The following HMCN1 variants were observed in gnomAD, a reference collection of about 807,000 sequenced individuals.
HMCN1 encodes the protein hemicentin 1, also known as hemicentin-1.
In HMCN1, 321 loss-of-function variants were observed where a neutral mutation model predicts 625.9. The ratio of observed to expected loss-of-function variants is 0.51; its 90% CI spans 0.47 to 0.56. The LOEUF (loss-of-function observed/expected upper bound fraction) is 0.56. HMCN1 is among the 20% of genes least tolerant of loss of function. The probability of loss-of-function intolerance (pLI) is 0.00; values close to 1 mark genes in which losing one functional copy is unlikely to be tolerated. For synonymous variants in HMCN1, 2,425 were observed against 2,417.6 expected (o/e 1.00, Z -0.09); for missense variants, 6,588 against 6,887.3 (o/e 0.96, Z 1.54).
chr1:185,808,181 A>C (rs1659293919), intron 1 of HMCN1, among the ~76,000 whole-genome samples: 1 of 151,976 alleles, frequency 6.6e-6, no homozygotes, highest in South Asian at 2.1e-4. Flanking sequence ...CGCTGTCTTT[A>C]TTAAAAATAC....
At position 186,113,994 on chromosome 1, in the gene HMCN1, A is replaced by C. The variant is rs41317487; in HGVS notation, c.11147A>C (p.Lys3716Thr). 3.1e-6 allele frequency: 5 copies of C among 1,614,148 alleles called. No individual in the cohort carries two copies. Among genetic ancestry groups the C allele is most frequent in the Non-Finnish European group, 4.2e-6 (5 of 1,180,012 alleles). Residue 3716 changes from lysine (K) to threonine (T), a missense_variant, in exon 73 of 107, where the codon AAG becomes ACG. Coordinates refer to ENST00000271588, the MANE Select transcript of HMCN1 (RefSeq NM_031935.3). ...ILTVNVPPNI[K>T]GGPQSLVILL... ...TCTTGTTCAGTTCCTCCAAACATAA[A>C]GGGGGGCCCCCAGAGCCTTGTAATT...
At chr1:185,836,895 C>T (rs111293809) in intron 1 of HMCN1, among the ~76,000 whole-genome samples, 1 of 151,880 alleles carries the variant, frequency 6.6e-6, no homozygotes, top group Non-Finnish European at 1.5e-5. Flanking sequence ...GGTTTCTGTT[C>T]CTGTGTTAGT....
intron 58 of HMCN1, among the ~76,000 whole-genome samples, chr1:186,086,861 TAGA>T (rs1659528278): frequency 6.7e-6 from 1 of 149,818 alleles, no homozygotes; most frequent in South Asian, 2.2e-4. Context: ...GATAGATAGA[TAGA>T]TAGATTAGAC....
intron 51 of HMCN1, 102 bp from the exon 52 acceptor site, chr1:186,070,510 A>G (rs1320987827): frequency 2.9e-6 from 3 of 1,036,038 alleles, no homozygotes; most frequent in African/African-American, 3.2e-5. Context: ...TGCCTCTGTT[A>G]TTTCCTTGTT....
chr1:185,826,589 A>T (rs1487539130), intron 1 of HMCN1, among the ~76,000 whole-genome samples: 1 of 152,204 alleles, frequency 6.6e-6, no homozygotes, highest in Non-Finnish European at 1.5e-5. Context: ...TCTCAGACCC[A>T]GTTGGTTCTG....
At chr1:185,842,089 C>T (rs577188012) in intron 1 of HMCN1, among the ~76,000 whole-genome samples, 18 of 152,264 alleles carry the variant, frequency 1.2e-4, no homozygotes, top group East Asian at 7.7e-4. Context: ...AGTGCTGTTA[C>T]GCTACCTTTT....
chr1:186,006,218 C>A (rs1393371036), intron 29 of HMCN1, among the ~76,000 whole-genome samples: 1 of 151,344 alleles, frequency 6.6e-6, no homozygotes, highest in African/African-American at 2.4e-5. Flanking sequence ...TACAAAGTGT[C>A]ATACTAAGAA....
chr1:186,145,598 TG>T, intron 92 of HMCN1, 25 bp downstream of exon 92: 1 of 1,613,030 alleles, frequency 6.2e-7, no homozygotes, highest in South Asian at 1.1e-5. Flanking sequence ...TTCTGGCAGT[TG>T]AATAAGTAAA....
chr1:185,931,231 G>A (rs1667530223), intron 10 of HMCN1, among the ~76,000 whole-genome samples: 1 of 152,006 alleles, frequency 6.6e-6, no homozygotes, highest in African/African-American at 2.4e-5. Flanking sequence ...GCCTATGCTT[G>A]TCATCTTTCC....
chr1:186,115,620 G>A (rs929780413), intron 75 of HMCN1, among the ~76,000 whole-genome samples: 26 of 152,090 alleles, frequency 1.7e-4, no homozygotes, highest in African/African-American at 6.0e-4. Flanking sequence ...CATAAACCCT[G>A]TGGATGAATG....
rs540097337 is a variant in HMCN1 at position 185,909,412 on chromosome 1, G to C, written c.697G>C (p.Val233Leu). The stretch of plus-strand genomic sequence containing the variant: ...ATCCACAGATCATTTGGAACAGGCT[G>C]TAAATACTTGGAGAATTCCTTTTGA... ...LLSTDHLEQA[V>L]NTWRIPFDPS... is the part of the protein sequence containing the mutation. Residue 233 changes from valine (V) to leucine (L), a missense_variant, in exon 5 of 107, where the codon GTA becomes CTA. By Grantham distance (32) the Val-to-Leu change is conservative (BLOSUM62 1). Coordinates refer to ENST00000271588, the MANE Select transcript of HMCN1 (RefSeq NM_031935.3). 5.6e-6 allele frequency: 9 copies of C among 1,613,452 alleles called. No individual in the cohort carries two copies. The highest frequency in any genetic ancestry group is 1.7e-4 in the Middle Eastern group (1 of 6,048).
At chr1:185,859,131 TGTG>T (rs1662709630) in intron 2 of HMCN1, among the ~76,000 whole-genome samples, 1 of 72,812 alleles carries the variant, frequency 1.4e-5, no homozygotes, top group African/African-American at 5.6e-5. Context: ...ATAAACTTTG[TGTG>T]TGTGTGTGTG....
intron 1 of HMCN1, among the ~76,000 whole-genome samples, chr1:185,830,078 A>G (rs1660763065): frequency 6.6e-6 from 1 of 152,020 alleles, no homozygotes; most frequent in Non-Finnish European, 1.5e-5. Flanking sequence ...TCCTTTGCCC[A>G]CTTTTTGATA....
chr1:185,781,495 A>G (rs1657102988), intron 1 of HMCN1, among the ~76,000 whole-genome samples: 1 of 152,118 alleles, frequency 6.6e-6, no homozygotes, highest in African/African-American at 2.4e-5. Flanking sequence ...AGTGGTACGA[A>G]TTTCCCTCTA....
chr1:185,975,567 A>G (rs559433461), intron 15 of HMCN1, among the ~76,000 whole-genome samples: 1 of 152,292 alleles, frequency 6.6e-6, no homozygotes, highest in African/African-American at 2.4e-5. Flanking sequence ...ACGATTCAAC[A>G]TGAGATTTGG....
intron 4 of HMCN1, among the ~76,000 whole-genome samples, chr1:185,906,597 T>C (rs1666107505): frequency 1.3e-5 from 2 of 151,814 alleles, no homozygotes; most frequent in East Asian, 3.9e-4. Context: ...CTGCATTGGG[T>C]TTGAAGGAAA....
chr1:186,062,662 C>T, intron 48 of HMCN1, 62 bp downstream of exon 48: 1 of 1,089,836 alleles, frequency 9.2e-7, no homozygotes, highest in Middle Eastern at 2.0e-4. Context: ...ATTGCCTCCA[C>T]TATATATCTT....
chr1:185,895,242 C>A (rs1195644582), intron 4 of HMCN1, among the ~76,000 whole-genome samples: 4 of 152,148 alleles, frequency 2.6e-5, no homozygotes, highest in African/African-American at 9.7e-5. Context: ...GGTTTAAAAT[C>A]TTTGCATTAA....
At chr1:186,038,119 T>C (rs933268113) in intron 37 of HMCN1, 84 bp downstream of exon 37, 2 of 820,964 alleles carry the variant, frequency 2.4e-6, no homozygotes, top group African/African-American at 3.4e-5. Context: ...AATATACTAA[T>C]TACTAGTAAA....
Sources: gnomAD v4.1 joint callset for allele counts (sites outside exome capture counted in the v4.1 genomes callset) on GRCh38, gnomAD v4.1.1 for gene constraint, MANE v1.5 for transcripts, NCBI Gene and HGNC (gene_info 2026-07-23, HGNC 2026-07-21) for gene names.